ASIC3: variants seen among roughly 807,000 people sequenced by gnomAD.
The protein encoded by ASIC3 is acid-sensing ion channel 3.
Under a neutral mutation model 58.6 loss-of-function variants are expected in ASIC3, and 46 were observed. The ratio of observed to expected loss-of-function variants is 0.79; its 90% confidence interval spans 0.62 to 1.00. The LOEUF is 1.00. Ranked by LOEUF, ASIC3 falls within the 50% of genes least tolerant of loss-of-function variation. The pLI, the probability that ASIC3 is intolerant of heterozygous loss-of-function variation, is 0.00. For synonymous variants in ASIC3, 336 were observed against 300.2 expected (o/e 1.12, Z -1.23); for missense variants, 770 against 735.0 (o/e 1.05, Z -0.55).
At chr7:151,050,020 C>A in intron 1 of ASIC3, 86 bp from the exon 2 acceptor site, 1 of 1,570,830 alleles carries the variant, frequency 6.4e-7, no homozygotes, top group Non-Finnish European at 8.7e-7. Context: ...AAAGAAGAGA[C>A]GCAAACATAC....
Position 151,050,204 on chromosome 7 carries a change from C to A in ASIC3, c.633C>A (p.Asp211Glu), listed in dbSNP as rs762732491. The A allele has an allele frequency of 5.6e-6, 9 of 1,613,922 alleles. No homozygotes were observed. Among genetic ancestry groups the A allele is most frequent in the Non-Finnish European group, 7.6e-6 (9 of 1,179,986 alleles). Reference protein sequence around the residue: ...TTRGGMGNGLDIMLDVQQEEY... With the variant: ...TTRGGMGNGLEIMLDVQQEEY... ...GGGGTGGCATGGGCAATGGGCTGGA[C>A]ATCATGCTGGACGTGCAGCAGGAGG... Residue 211 changes from aspartate (D) to glutamate (E), a missense_variant, in exon 2 of 11, where the codon GAC (aspartate) becomes GAA (glutamate). Asp to Glu is a conservative substitution (Grantham distance 45). Coordinates refer to ENST00000349064, the MANE Select transcript of ASIC3 (RefSeq NM_004769.4).
At chr7:151,049,699 C>T (rs919149977) in intron 1 of ASIC3, among the ~76,000 whole-genome samples, 2 of 152,228 alleles carry the variant, frequency 1.3e-5, no homozygotes, top group African/African-American at 2.4e-5. Flanking sequence ...GGCCCTGCTC[C>T]TGGGGCTGGG....
rs750476920 is a variant in ASIC3 at position 151,051,218 on chromosome 7, C to T, written c.1113C>T (p.Ala371=). 17 of 1,580,584 alleles carry T rather than the reference C, an allele frequency of 1.1e-5. 1 individual carries two copies. The highest frequency in any genetic ancestry group is 1.8e-4 in the Middle Eastern group (1 of 5,714). The change falls in exon 6 of 11, where the codon GCC becomes GCT. Residue 371 remains alanine, a synonymous_variant. Coordinates refer to ENST00000349064, the MANE Select transcript of ASIC3 (RefSeq NM_004769.4). ...CGTGCGCCTGCCCCAACCCGTGCGC[C>T]AGCACGCGCTACGCCAAGGAGCTCT... ...KDSCACPNPC[A]STRYAKELSM...
rs1308792381 is a variant in ASIC3 at position 151,052,703 on chromosome 7, A to T, written c.*51A>T. 6.2e-7 allele frequency: 1 copy of T among 1,613,968 alleles called. No homozygotes were observed. Among genetic ancestry groups the T allele is most frequent in the East Asian group, 2.2e-5 (1 of 44,894 alleles). ...CCGCCCTGACATCCTGGACATGCCT[A>T]GCCTGCACGTAGCTTTTCCGTCTTC... On this transcript the variant is annotated 3_prime_UTR_variant, in exon 11 of 11. Coordinates refer to ENST00000349064, the MANE Select transcript of ASIC3 (RefSeq NM_004769.4). The surrounding 1 kb of genome is among the most constrained non-coding windows in gnomAD (Gnocchi z 5.0).
rs1412264749 is a variant in ASIC3 at position 151,051,114 on chromosome 7, C to G, written c.1066+19C>G. On this transcript the variant is annotated intron_variant, in intron 5 of 10. Transcript: ENST00000349064. ...GCCATAGGTAAGGGCGAGCCTCCCC[C>G]ACCTCCCGTCCGCCCCGCTCCGCCC... The G allele has an allele frequency of 6.2e-7, 1 of 1,607,638 alleles. No individual in the cohort carries two copies. The highest frequency in any genetic ancestry group is 1.1e-5 in the South Asian group (1 of 90,776).
In ASIC3 at chr7:151,051,995, G is replaced by A. The variant is rs1796794387; in HGVS notation, c.1319G>A (p.Gly440Asp). ...CCTGTCTCCACAGGTGACATTGGGGGCCAGATGGGGCTGTTCATCGGGGCC... is the reference window on the plus strand; with the variant it reads ...CCTGTCTCCACAGGTGACATTGGGGACCAGATGGGGCTGTTCATCGGGGCC... ...EMSELLGDIG[G>D]QMGLFIGASL... Residue 440 changes from glycine to aspartate, a missense_variant, in exon 8 of 11, where the codon GGC (glycine) becomes GAC (aspartate). By Grantham distance (94) the Gly-to-Asp change is moderately conservative. Transcript: ENST00000349064. 2 of 1,613,368 alleles carry A rather than the reference G, an allele frequency of 1.2e-6. No homozygotes were observed. The highest frequency in any genetic ancestry group is 1.7e-6 in the Non-Finnish European group (2 of 1,179,892).
chr7:151,052,616 C>T lies in ASIC3; in HGVS notation c.1560C>T (p.Ala520=), dbSNP rs141344838. The T allele has an allele frequency of 2.4e-5, 39 of 1,614,196 alleles. No individual in the cohort carries two copies. The African/African-American group carries it at 4.1e-4, about 17-fold the overall frequency. Residue 520 remains alanine, a synonymous_variant, in exon 11 of 11, where the codon GCC becomes GCT. Coordinates refer to ENST00000349064, the MANE Select transcript of ASIC3 (RefSeq NM_004769.4). This position sits in a 1 kb window ranked among gnomAD's most constrained non-coding sequence, Gnocchi z 5.0. The part of the protein sequence containing the change: ...PPCAVTKTLS[A]SHRTCYLVTQ... ...GTGCCGTCACCAAGACTCTCTCCGC[C>T]TCCCACCGCACCTGCTACCTTGTCA... is the stretch of plus-strand genomic sequence containing the variant.
At chr7:151,050,322 A>T in intron 2 of ASIC3, 66 bp downstream of exon 2, 1 of 1,576,402 alleles carries the variant, frequency 6.3e-7, no homozygotes, top group South Asian at 1.2e-5. Context: ...GGGGAAGGAG[A>T]GGAGGAGAGG....
chr7:151,051,071 A>G lies in ASIC3; in HGVS notation c.1042A>G (p.Lys348Glu), dbSNP rs1375811786. ...GCCAGTGTGCAGCCCCCAGCAGTACAAGAACTGTGCCCACCCGGCCATAGG... is the reference window on the plus strand; with the variant it reads ...GCCAGTGTGCAGCCCCCAGCAGTACGAGAACTGTGCCCACCCGGCCATAGG... ...DVPVCSPQQYKNCAHPAIDAM... is the reference protein window; with the variant it reads ...DVPVCSPQQYENCAHPAIDAM... Residue 348 changes from lysine (K) to glutamate (E), a missense_variant, in exon 5 of 11, where the codon AAG becomes GAG. By Grantham distance (56) the Lys-to-Glu change is moderately conservative. Coordinates refer to ENST00000349064, the MANE Select transcript of ASIC3 (RefSeq NM_004769.4). 2 of 1,613,174 alleles carry G rather than the reference A, an allele frequency of 1.2e-6. No individual in the cohort carries two copies. The highest frequency in any genetic ancestry group is 1.7e-5 in the Admixed American group (1 of 60,016).
At chr7:151,051,736 C>A in intron 6 of ASIC3, 74 bp from the exon 7 acceptor site, 1 of 1,495,836 alleles carries the variant, frequency 6.7e-7, no homozygotes, top group Non-Finnish European at 9.2e-7. Context: ...AGTGGGAGAA[C>A]CCACAGCTGC....
At position 151,052,366 on chromosome 7, in the gene ASIC3, C is replaced by T. The variant is rs748731503; in HGVS notation, c.1459-50C>T. 6.8e-6 allele frequency: 11 copies of T among 1,613,140 alleles called. No individual in the cohort carries two copies. In the East Asian group the frequency reaches 1.1e-4, roughly 16 times the overall value. On this transcript the variant is annotated intron_variant, in intron 9 of 10. Coordinates refer to ENST00000349064, the MANE Select transcript of ASIC3 (RefSeq NM_004769.4). The surrounding 1 kb of genome is among the most constrained non-coding windows in gnomAD (Gnocchi z 5.0). ...AGGGTGTGCAGTGACCTCGACTGGT[C>T]CCTGGGAGGAGGACCACTCCCCACC...
In ASIC3 at chr7:151,051,231, G is replaced by A; in HGVS notation, c.1126G>A (p.Ala376Thr). The A allele has an allele frequency of 1.9e-6, 3 of 1,573,702 alleles. No individual in the cohort carries two copies. Among genetic ancestry groups the A allele is most frequent in the South Asian group, 1.1e-5 (1 of 87,450 alleles). ...CPNPCASTRY[A>T]KELSMVRIPS... ...CAACCCGTGCGCCAGCACGCGCTACGCCAAGGAGCTCTCCATGGTGCGGAT... is the reference window on the plus strand; with the variant it reads ...CAACCCGTGCGCCAGCACGCGCTACACCAAGGAGCTCTCCATGGTGCGGAT... Residue 376 changes from alanine to threonine, a missense_variant, in exon 6 of 11, where the codon GCC becomes ACC. Ala to Thr is a moderately conservative substitution (Grantham distance 58, BLOSUM62 0). Transcript: ENST00000349064.
chr7:151,048,961 A>C lies in ASIC3; in HGVS notation c.76A>C (p.Met26Leu), dbSNP rs753806600. Residue 26 changes from methionine (M) to leucine (L), a missense_variant, in exon 1 of 11, where the codon ATG (methionine) becomes CTG (leucine). Met to Leu is a conservative substitution (Grantham distance 15). Transcript: ENST00000349064. Reference sequence around the variant, plus strand: ...CCGCGTGTTCGCCAGCAACTGCTCGATGCACGGGCTGGGCCACGTCTTCGG... The same window carrying C: ...CCGCGTGTTCGCCAGCAACTGCTCGCTGCACGGGCTGGGCCACGTCTTCGG... Reference protein sequence around the residue: ...DIRVFASNCSMHGLGHVFGPG... With the variant: ...DIRVFASNCSLHGLGHVFGPG... 5 of 1,600,278 alleles carry C rather than the reference A, an allele frequency of 3.1e-6. No individual in the cohort carries two copies. The highest frequency in any genetic ancestry group is 4.3e-6 in the Non-Finnish European group (5 of 1,170,236).
At chr7:151,051,931 G>T (rs756818785) in intron 7 of ASIC3, 30 bp downstream of exon 7, 1 of 1,613,678 alleles carries the variant, frequency 6.2e-7, no homozygotes, top group East Asian at 2.2e-5. Context: ...AGGGCTGGGG[G>T]GGTGTGGGCA....
chr7:151,051,604 G>A (rs1241685049), intron 6 of ASIC3, among the ~76,000 whole-genome samples: 1 of 151,556 alleles, frequency 6.6e-6, no homozygotes, highest in East Asian at 1.9e-4. Context: ...GAGGGGACTC[G>A]CTGTATTGCC....
Position 151,052,292 on chromosome 7 carries a change from C to T in ASIC3, c.1458+55C>T, listed in dbSNP as rs1417257565. On this transcript the variant is annotated intron_variant, in intron 9 of 10. Coordinates refer to ENST00000349064, the MANE Select transcript of ASIC3 (RefSeq NM_004769.4). This position sits in a 1 kb window ranked among gnomAD's most constrained non-coding sequence, Gnocchi z 5.0. ...TGCTCCAAGGGTGCTAGGGCCCACC[C>T]CTGAAGCCTAGACCACCATCCCGCC... The T allele has an allele frequency of 1.2e-6, 2 of 1,613,244 alleles. No individual in the cohort carries two copies. Among genetic ancestry groups the T allele is most frequent in the Non-Finnish European group, 1.7e-6 (2 of 1,179,786 alleles).
chr7:151,052,711 C>G lies in ASIC3; in HGVS notation c.*59C>G, dbSNP rs368295863. The G allele has an allele frequency of 2.5e-6, 4 of 1,613,962 alleles. No homozygotes were observed. Among genetic ancestry groups the G allele is most frequent in the Non-Finnish European group, 3.4e-6 (4 of 1,179,966 alleles). ...ACATCCTGGACATGCCTAGCCTGCACGTAGCTTTTCCGTCTTCACCCCAAA... is the reference window on the plus strand; with the variant it reads ...ACATCCTGGACATGCCTAGCCTGCAGGTAGCTTTTCCGTCTTCACCCCAAA... On this transcript the variant is annotated 3_prime_UTR_variant, in exon 11 of 11. Coordinates refer to ENST00000349064, the MANE Select transcript of ASIC3 (RefSeq NM_004769.4). This position sits in a 1 kb window ranked among gnomAD's most constrained non-coding sequence, Gnocchi z 5.0.
intron 6 of ASIC3, 49 bp downstream of exon 6, chr7:151,051,368 G>A (rs1796775896): frequency 2.1e-6 from 3 of 1,423,562 alleles, no homozygotes; most frequent in Non-Finnish European, 2.7e-6. Flanking sequence ...GGCTCCCGAC[G>A]GGGCGGAACG....
Position 151,051,892 on chromosome 7 carries a change from G to C in ASIC3, c.1297G>C (p.Glu433Gln). The change falls in exon 7 of 11, where the codon GAG becomes CAG. Residue 433 changes from glutamate (E) to glutamine (Q), a missense_variant. Glu to Gln is a conservative substitution (Grantham distance 29). Coordinates refer to ENST00000349064, the MANE Select transcript of ASIC3 (RefSeq NM_004769.4). ...GCAGAAGAAGGCCTATGAGATGTCA[G>C]AGCTGCTTGGTGTGTGTGCAGGGCC... Reference protein sequence around the residue: ...VEQKKAYEMSELLGDIGGQMG... With the variant: ...VEQKKAYEMSQLLGDIGGQMG... The C allele has an allele frequency of 3.1e-6, 5 of 1,613,918 alleles. No homozygotes were observed. The highest frequency in any genetic ancestry group is 4.2e-6 in the Non-Finnish European group (5 of 1,179,966).
Sources: gnomAD v4.1 joint callset for allele counts (sites outside exome capture counted in the v4.1 genomes callset) on GRCh38, gnomAD v4.1.1 for gene constraint, Gnocchi (gnomAD v3.1) non-coding constraint, MANE v1.5 for transcripts, NCBI Gene and HGNC (gene_info 2026-07-23, HGNC 2026-07-21) for gene names.